Variants in DIP2C observed in about 807,000 individuals in gnomAD.
DIP2C encodes disco-interacting protein 2 homolog C.
Under a neutral mutation model 192.4 loss-of-function variants are expected in DIP2C, and 33 were observed. The ratio of observed to expected loss-of-function variants is 0.17; its 90% CI spans 0.13 to 0.23. The LOEUF is 0.23. DIP2C is among the 10% of genes least tolerant of loss of function. The probability of loss-of-function intolerance (pLI) is 1.00; values close to 1 mark genes in which losing one functional copy is unlikely to be tolerated. For missense variants in DIP2C, 1,537 were observed against 2,110.1 expected (o/e 0.73, Z 5.32); for synonymous variants, 979 against 864.1 (o/e 1.13, Z -2.33).
chr10:613,048 G>C (rs1203040734), intron 1 of DIP2C, among the ~76,000 whole-genome samples: 1 of 152,192 alleles, frequency 6.6e-6, no homozygotes, highest in African/African-American at 2.4e-5. Flanking sequence ...CCCACACCCA[G>C]GAAGAGGTCA....
In DIP2C at chr10:349,358, C is replaced by G. The variant is rs372758129; in HGVS notation, c.3082G>C (p.Asp1028His). The G allele has an allele frequency of 3.7e-6, 6 of 1,609,612 alleles. No individual in the cohort carries two copies. The highest frequency in any genetic ancestry group is 5.1e-6 in the Non-Finnish European group (6 of 1,179,398). ...GGGGGGTAGACCAAGGCCACGTGGT[C>G]GCCGTCCTGAAGGTGGCCCCTCTCC... Reference protein sequence around the residue: ...LMERGHLQDGDHVALVYPPGI... With the variant: ...LMERGHLQDGHHVALVYPPGI... Residue 1028 changes from aspartate (D) to histidine (H), a missense_variant, in exon 25 of 37, where the codon GAC becomes CAC. Asp to His is a moderately conservative substitution (Grantham distance 81). Around this residue, in one of 4 missense-constraint regions of DIP2C, gnomAD observed 677 missense variants for 989.9 expected, o/e 0.68. Coordinates refer to ENST00000280886, the MANE Select transcript of DIP2C (RefSeq NM_014974.3).
At chr10:590,178 G>C (rs1027903171) in intron 1 of DIP2C, among the ~76,000 whole-genome samples, 1 of 152,240 alleles carries the variant, frequency 6.6e-6, no homozygotes, top group African/African-American at 2.4e-5. Context: ...CCCCACCACT[G>C]AGCCTCTGCG....
At chr10:451,993 G>C (rs1338417097) in intron 3 of DIP2C, among the ~76,000 whole-genome samples, 1 of 152,012 alleles carries the variant, frequency 6.6e-6, no homozygotes, top group East Asian at 1.9e-4. Context: ...ACCCAGCTCA[G>C]GGCGACACAA....
chr10:504,662 G>A (rs926619462), intron 1 of DIP2C, among the ~76,000 whole-genome samples: 2 of 152,210 alleles, frequency 1.3e-5, no homozygotes, highest in Admixed American at 6.5e-5. Flanking sequence ...AAGATGAGAC[G>A]CTTCCCGTGT....
chr10:416,857 G>A (rs1965673093), intron 6 of DIP2C, among the ~76,000 whole-genome samples: 1 of 152,178 alleles, frequency 6.6e-6, no homozygotes, highest in African/African-American at 2.4e-5. Flanking sequence ...GTCTCTGTAG[G>A]TGCAGCTGGC....
intron 17 of DIP2C, among the ~76,000 whole-genome samples, chr10:370,495 C>T (rs1404691500): frequency 6.6e-6 from 1 of 152,228 alleles, no homozygotes. Flanking sequence ...CAGCACACAC[C>T]TCTGACTACC....
rs1041594450 is a variant in DIP2C at position 572,014 on chromosome 10, A to G, written c.86-85484T>C. Reference sequence around the variant, plus strand: ...ATGTTTGCGAAATCTAAGCAACATTATAATAAAAAATCACTGAATTCTGCC... The same window carrying G: ...ATGTTTGCGAAATCTAAGCAACATTGTAATAAAAAATCACTGAATTCTGCC... On this transcript the variant is annotated intron_variant, in intron 1 of 36. Transcript: ENST00000280886. Among the ~76,000 whole-genome samples the G allele has an allele frequency of 2.6e-5, 4 of 152,362 alleles. No individual in the cohort carries two copies. In the South Asian group the frequency reaches 8.3e-4, roughly 32 times the overall value.
intron 1 of DIP2C, among the ~76,000 whole-genome samples, chr10:685,159 AAAATATATATATATATATATATATATAC>A (rs1831277537): frequency 1.0e-4 from 3 of 29,422 alleles, no homozygotes; most frequent in East Asian, 9.2e-4. Context: ...AAAAAAAAAA[AAAATATATATATATATATATATATATAC>A]ATATATATAT....
At chr10:580,129 T>C (rs1381622272) in intron 1 of DIP2C, among the ~76,000 whole-genome samples, 2 of 152,178 alleles carry the variant, frequency 1.3e-5, no homozygotes, top group Non-Finnish European at 1.5e-5. Flanking sequence ...TCTATATACA[T>C]GCATATAGTG....
rs1206501677 is a variant in DIP2C, at chr10:568,765, C to CAAAAAAAAA, written c.86-82244_86-82236dup. On this transcript the variant is annotated intron_variant, in intron 1 of 36. Coordinates refer to ENST00000280886, the MANE Select transcript of DIP2C (RefSeq NM_014974.3). Reference sequence around the variant, plus strand: ...TGGGCGACAGAGGGAAACTCCGTCTCAAAAAAAAAAAAAAAAAAAAAAAAA... The same window carrying CAAAAAAAAA: ...TGGGCGACAGAGGGAAACTCCGTCTCAAAAAAAAAAAAAAAAAAAAAAAAAAAAAAAAAA... 2.5e-3 allele frequency among the ~76,000 whole-genome samples: 95 copies of CAAAAAAAAA among 37,876 alleles called. 24 individuals carry two copies. The highest frequency in any genetic ancestry group is 4.5e-3 in the East Asian group (5 of 1,112). 24.8% of individuals were successfully genotyped at this position (37,876 alleles called of 152,430 possible). A position where few individuals can be genotyped will look rare whatever the true frequency, so the allele number is the denominator to read the frequency against.
intron 1 of DIP2C, among the ~76,000 whole-genome samples, chr10:680,307 G>A (rs1831084481): frequency 1.3e-5 from 2 of 152,270 alleles, no homozygotes; most frequent in Admixed American, 6.5e-5. Context: ...TCACACGCAC[G>A]GCCTGACATG....
chr10:369,404 G>A (rs942862053), intron 18 of DIP2C, 90 bp downstream of exon 18: 17 of 1,445,468 alleles, frequency 1.2e-5, no homozygotes, highest in South Asian at 3.1e-5. Flanking sequence ...CCACGGGAAC[G>A]CGGGAACGTG....
chr10:317,828 T>C (rs1022854401), intron 31 of DIP2C, among the ~76,000 whole-genome samples: 7 of 152,238 alleles, frequency 4.6e-5, no homozygotes, highest in African/African-American at 1.7e-4. Flanking sequence ...CTAGGGCACG[T>C]GAGACATCCA....
At chr10:410,258 G>A (rs142293163) in intron 8 of DIP2C, among the ~76,000 whole-genome samples, 9 of 152,244 alleles carry the variant, frequency 5.9e-5, no homozygotes, top group East Asian at 1.9e-4. Flanking sequence ...GTCATACTAC[G>A]TGCTCAGCAA....
At chr10:453,906 C>CA (rs1375765087) in intron 3 of DIP2C, among the ~76,000 whole-genome samples, 1 of 152,182 alleles carries the variant, frequency 6.6e-6, no homozygotes, top group African/African-American at 2.4e-5. Flanking sequence ...CCAGAGACCC[C>CA]AGCAGCAGCA....
At chr10:505,120 T>TC (rs1382514403) in intron 1 of DIP2C, among the ~76,000 whole-genome samples, 1 of 152,088 alleles carries the variant, frequency 6.6e-6, no homozygotes, top group Non-Finnish European at 1.5e-5. Context: ...CGTGTGCATC[T>TC]CCCCAAAAGA....
At chr10:580,256 G>A (rs921572998) in intron 1 of DIP2C, among the ~76,000 whole-genome samples, 5 of 152,082 alleles carry the variant, frequency 3.3e-5, no homozygotes, top group African/African-American at 2.4e-5. Flanking sequence ...TGTAAAGTAT[G>A]TACATATGCA....
chr10:346,559 T>C (rs74896765), intron 26 of DIP2C, among the ~76,000 whole-genome samples: 92 of 5,780 alleles, frequency 0.016, 8 homozygotes, highest in Admixed American at 0.037. Context: ...CCCAGACACA[T>C]CGCGCATAGT....
chr10:676,544 TA>T (rs1424178652), intron 1 of DIP2C, among the ~76,000 whole-genome samples: 2 of 149,834 alleles, frequency 1.3e-5, no homozygotes, highest in Non-Finnish European at 3.0e-5. Flanking sequence ...TTTGAACTGA[TA>T]AACAAATTCA....
Sources: allele counts gnomAD v4.1 joint callset (sites outside exome capture counted in the v4.1 genomes callset), GRCh38; gene constraint gnomAD v4.1.1; regional missense constraint gnomAD v4.1.1; transcripts MANE v1.5; gene names NCBI Gene and HGNC (gene_info 2026-07-23, HGNC 2026-07-21).